LANCL2: variants seen among roughly 807,000 people sequenced by gnomAD.
LANCL2 encodes LanC like glutathione S-transferase 2.
LANCL2 carries 33 observed loss-of-function variants against 56.9 expected under a neutral mutation model. The observed-to-expected ratio is 0.58, with a 90% CI of 0.44 to 0.78. The LOEUF is 0.78. LANCL2 is among the 30% of genes least tolerant of loss of function. The pLI is 0.00. For missense variants in LANCL2, 562 were observed against 580.2 expected (o/e 0.97, Z 0.32); for synonymous variants, 233 against 228.2 (o/e 1.02, Z -0.19).
rs187254477 is a variant in LANCL2, at chr7:55,408,555, G to C, written c.826-3352G>C. On this transcript the variant is annotated intron_variant, in intron 5 of 8. Transcript: ENST00000254770. ...CTCATAGCGGGCACCTGCAATCCCA[G>C]CTGCTTGGGAGGCTGAGGCAGGAGA... 4.4e-3 allele frequency among the ~76,000 whole-genome samples: 667 copies of C among 152,224 alleles called. 4 individuals are homozygous for C. Among genetic ancestry groups the C allele is most frequent in the Middle Eastern group, 0.02 (6 of 294 alleles).
intron 6 of LANCL2, among the ~76,000 whole-genome samples, chr7:55,422,345 CGTCGTT>C (rs1790617820): frequency 6.6e-6 from 1 of 152,078 alleles, no homozygotes. Context: ...GGCAGTGTTC[CGTCGTT>C]GTCCACCTCT....
intron 1 of LANCL2, among the ~76,000 whole-genome samples, chr7:55,367,847 A>G (rs1789893112): frequency 6.6e-6 from 1 of 152,238 alleles, no homozygotes; most frequent in Non-Finnish European, 1.5e-5. Flanking sequence ...AAAGGCCTCA[A>G]TAAATGTTAA....
At chr7:55,429,097 T>G (rs931754111) in intron 8 of LANCL2, among the ~76,000 whole-genome samples, 8 of 152,346 alleles carry the variant, frequency 5.3e-5, no homozygotes, top group South Asian at 2.1e-4. Flanking sequence ...TGCATCTCTA[T>G]TCATGAAGGA....
chr7:55,407,131 C>T (rs1305769467), intron 5 of LANCL2, among the ~76,000 whole-genome samples: 1 of 152,228 alleles, frequency 6.6e-6, no homozygotes, highest in African/African-American at 2.4e-5. Flanking sequence ...AGGGAACTGC[C>T]TATCCTTCAA....
intron 6 of LANCL2, among the ~76,000 whole-genome samples, chr7:55,412,907 A>G (rs1025698075): frequency 6.6e-6 from 1 of 152,218 alleles, no homozygotes; most frequent in Non-Finnish European, 1.5e-5. Context: ...CTACCTGGAA[A>G]TAATAAGAAC....
intron 1 of LANCL2, among the ~76,000 whole-genome samples, chr7:55,391,543 C>G (rs1039623757): frequency 1.4e-5 from 2 of 145,188 alleles, no homozygotes; most frequent in Non-Finnish European, 3.0e-5. Context: ...TTTTTTAATT[C>G]TTTGATTTCT....
At chr7:55,380,244 A>G (rs189033140) in intron 1 of LANCL2, among the ~76,000 whole-genome samples, 8 of 152,304 alleles carry the variant, frequency 5.3e-5, no homozygotes, top group Non-Finnish European at 1.2e-4. Context: ...GCCTGTAAAT[A>G]TGCACGTTGA....
chr7:55,378,227 AGGTG>A (rs1234106133), intron 1 of LANCL2, among the ~76,000 whole-genome samples: 1 of 152,202 alleles, frequency 6.6e-6, no homozygotes, highest in East Asian at 1.9e-4. Flanking sequence ...TAGGAGGCTG[AGGTG>A]GGTGGATCAC....
At chr7:55,404,653 G>T (rs1281136748) in intron 5 of LANCL2, among the ~76,000 whole-genome samples, 1 of 149,326 alleles carries the variant, frequency 6.7e-6, no homozygotes, top group Non-Finnish European at 1.5e-5. Context: ...TTGCTTTGTC[G>T]CCCAGGCTGG....
chr7:55,413,650 G>A (rs1390293962), intron 6 of LANCL2, among the ~76,000 whole-genome samples: 10 of 152,216 alleles, frequency 6.6e-5, no homozygotes, highest in Non-Finnish European at 1.2e-4. Flanking sequence ...TGCCACTGAC[G>A]GGCTGCAGGT....
intron 5 of LANCL2, among the ~76,000 whole-genome samples, chr7:55,401,623 T>C (rs9769287): frequency 1.7e-5 from 2 of 116,530 alleles, no homozygotes; most frequent in Non-Finnish European, 3.4e-5. Context: ...AGGACAGTAG[T>C]GGAGGGAAGG....
At chr7:55,403,412 C>T (rs1301743980) in intron 5 of LANCL2, among the ~76,000 whole-genome samples, 23 of 151,112 alleles carry the variant, frequency 1.5e-4, no homozygotes, top group Admixed American at 1.4e-3. Context: ...AGCTTTGGCT[C>T]GGCATCAGGG....
intron 8 of LANCL2, among the ~76,000 whole-genome samples, chr7:55,430,347 C>T (rs555401212): frequency 3.4e-4 from 52 of 152,194 alleles, no homozygotes; most frequent in Admixed American, 5.9e-4. Context: ...TTGCAGGAAC[C>T]CTGACGAAGG....
At chr7:55,404,462 C>T (rs941974812) in intron 5 of LANCL2, among the ~76,000 whole-genome samples, 3 of 152,184 alleles carry the variant, frequency 2.0e-5, no homozygotes, top group Admixed American at 6.5e-5. Flanking sequence ...TTATGTCTAA[C>T]CTACTGCCTC....
intron 3 of LANCL2, among the ~76,000 whole-genome samples, chr7:55,399,497 C>T (rs1042513406): frequency 2.6e-5 from 4 of 152,070 alleles, no homozygotes; most frequent in African/African-American, 9.7e-5. Context: ...GCATGTGCCA[C>T]CACACCCAGC....
Position 55,431,388 on chromosome 7 carries a change from C to A in LANCL2, c.*68C>A. On this transcript the variant is annotated 3_prime_UTR_variant, in exon 9 of 9. Coordinates refer to ENST00000254770, the MANE Select transcript of LANCL2 (RefSeq NM_018697.4). Reference sequence around the variant, plus strand: ...CCACCAGATTGCTTAGTGCCTGACACAGAAACAACTGGGAATCCTGAAAGA... The same window carrying A: ...CCACCAGATTGCTTAGTGCCTGACAAAGAAACAACTGGGAATCCTGAAAGA... 9.4e-7 allele frequency: 1 copy of A among 1,069,012 alleles called. No individual in the cohort carries two copies. Among genetic ancestry groups the A allele is most frequent in the Non-Finnish European group, 1.4e-6 (1 of 716,258 alleles). 66.2% of individuals were successfully genotyped at this position (1,069,012 alleles called of 1,614,324 possible). A position where few individuals can be genotyped will look rare whatever the true frequency, so the allele number is the denominator to read the frequency against.
chr7:55,406,484 C>T (rs1278966262), intron 5 of LANCL2, among the ~76,000 whole-genome samples: 2 of 152,158 alleles, frequency 1.3e-5, no homozygotes, highest in Non-Finnish European at 2.9e-5. Context: ...ATGGGGTCAG[C>T]AGGGGACGGG....
At chr7:55,369,118 T>C (rs566705925) in intron 1 of LANCL2, among the ~76,000 whole-genome samples, 1 of 152,306 alleles carries the variant, frequency 6.6e-6, no homozygotes, top group South Asian at 2.1e-4. Flanking sequence ...CTCTGTAAGT[T>C]TGACAGAGAG....
At chr7:55,414,244 A>G (rs1286264456) in intron 6 of LANCL2, among the ~76,000 whole-genome samples, 1 of 152,208 alleles carries the variant, frequency 6.6e-6, no homozygotes, top group Non-Finnish European at 1.5e-5. Context: ...GTCTCTGAGC[A>G]GAGGGCGAGG....
Sources: allele counts gnomAD v4.1 joint callset (sites outside exome capture counted in the v4.1 genomes callset), GRCh38; gene constraint gnomAD v4.1.1; transcripts MANE v1.5; gene names NCBI Gene and HGNC (gene_info 2026-07-23, HGNC 2026-07-21).